SLCO3A1: variants seen among roughly 807,000 people sequenced by gnomAD.
The protein encoded by SLCO3A1 is PGE1 transporter.
Under a neutral mutation model 63.1 loss-of-function variants are expected in SLCO3A1, and 27 were observed. That is an observed-to-expected ratio of 0.43 (90% CI 0.32 to 0.59). The LOEUF (loss-of-function observed/expected upper bound fraction) is 0.59. Among genes scored for constraint, SLCO3A1 ranks in the 20% least tolerant of loss-of-function variants. The probability of loss-of-function intolerance (pLI) is 0.09; values close to 1 mark genes in which losing one functional copy is unlikely to be tolerated. For missense variants in SLCO3A1, 773 were observed against 945.8 expected, an observed-to-expected ratio of 0.82 and a Z score of 2.40; for synonymous variants, 473 against 409.9, an observed-to-expected ratio of 1.15 and a Z score of -1.86.
At chr15:92,098,539 T>C (rs1342067126) in intron 3 of SLCO3A1, among the ~76,000 whole-genome samples, 5 of 152,174 alleles carry the variant, frequency 3.3e-5, no homozygotes, top group Non-Finnish European at 5.9e-5. Context: ...AGTAGCAGAG[T>C]ACATATCTAA....
intron 2 of SLCO3A1, among the ~76,000 whole-genome samples, chr15:92,067,373 G>A (rs771756392): frequency 4.6e-5 from 7 of 152,026 alleles, no homozygotes; most frequent in African/African-American, 9.7e-5. Context: ...CAGCCCTCAC[G>A]TAGGTCATGT....
intron 2 of SLCO3A1, among the ~76,000 whole-genome samples, chr15:92,043,547 T>C (rs947788737): frequency 2.0e-5 from 3 of 152,232 alleles, no homozygotes; most frequent in African/African-American, 4.8e-5. Flanking sequence ...CTAAACATGC[T>C]TTGATACCTT....
At chr15:92,042,422 C>T (rs1381762643) in intron 2 of SLCO3A1, among the ~76,000 whole-genome samples, 1 of 152,156 alleles carries the variant, frequency 6.6e-6, no homozygotes, top group African/African-American at 2.4e-5. Flanking sequence ...AGGGGATCCA[C>T]ACGGTTGGGC....
intron 1 of SLCO3A1, among the ~76,000 whole-genome samples, chr15:91,880,093 A>G (rs2151343245): frequency 7.5e-6 from 1 of 133,550 alleles, no homozygotes; most frequent in East Asian, 2.8e-4. Context: ...ACCTGCTTGT[A>G]TGTGTGTCCG....
intron 2 of SLCO3A1, among the ~76,000 whole-genome samples, chr15:91,930,794 C>G (rs1444178267): frequency 6.9e-6 from 1 of 143,950 alleles, no homozygotes; most frequent in Non-Finnish European, 1.6e-5. Flanking sequence ...TGGTGTAATT[C>G]TCAAAACAAC....
chr15:92,053,826 G>A (rs1198265706), intron 2 of SLCO3A1, among the ~76,000 whole-genome samples: 1 of 151,940 alleles, frequency 6.6e-6, no homozygotes, highest in Non-Finnish European at 1.5e-5. Flanking sequence ...TTATCACTGG[G>A]GGTATTGGCT....
At chr15:91,931,821 A>ACACT (rs1323570307) in intron 2 of SLCO3A1, among the ~76,000 whole-genome samples, 2 of 151,262 alleles carry the variant, frequency 1.3e-5, no homozygotes, top group Non-Finnish European at 2.9e-5. Context: ...ACACACACAC[A>ACACT]CTCACACAGG....
At chr15:92,139,526 G>C (rs1005007843) in intron 7 of SLCO3A1, among the ~76,000 whole-genome samples, 5 of 151,696 alleles carry the variant, frequency 3.3e-5, no homozygotes, top group African/African-American at 1.2e-4. Context: ...TTTTTCTATT[G>C]ATTGGAATAG....
At position 92,163,238 on chromosome 15, in the gene SLCO3A1, C is replaced by T; in HGVS notation, c.*103C>T. 1 of 1,434,334 alleles carries T rather than the reference C, an allele frequency of 7.0e-7. No individual in the cohort carries two copies. Among genetic ancestry groups the T allele is most frequent in the Non-Finnish European group, 9.1e-7 (1 of 1,102,810 alleles). The allele number at this position is 1,434,334 out of a possible 1,614,324, so 88.9% of individuals were successfully genotyped here. On this transcript the variant is annotated 3_prime_UTR_variant, in exon 10 of 10. Coordinates refer to ENST00000318445, the MANE Select transcript of SLCO3A1 (RefSeq NM_013272.4). ...AAAAAACCAAAACTCAGTACACACACACAGGCACAGATGCACACACACGCA... is the reference window on the plus strand; with the variant it reads ...AAAAAACCAAAACTCAGTACACACATACAGGCACAGATGCACACACACGCA...
At chr15:92,156,246 A>G (rs1446359236) in intron 9 of SLCO3A1, among the ~76,000 whole-genome samples, 1 of 152,150 alleles carries the variant, frequency 6.6e-6, no homozygotes. Context: ...AGGGAGTGAG[A>G]TACGGCGGTG....
chr15:91,909,904 C>G (rs1309289793), intron 1 of SLCO3A1, among the ~76,000 whole-genome samples: 3 of 152,240 alleles, frequency 2.0e-5, no homozygotes, highest in Non-Finnish European at 2.9e-5. Context: ...GAAGCCTCCT[C>G]TCTCCCCAGC....
chr15:91,904,091 G>A (rs1898231037), intron 1 of SLCO3A1, among the ~76,000 whole-genome samples: 1 of 152,140 alleles, frequency 6.6e-6, no homozygotes, highest in African/African-American at 2.4e-5. Context: ...GTGGAGGTGA[G>A]GTGCCCCACA....
At chr15:92,031,973 G>T (rs1485060016) in intron 2 of SLCO3A1, among the ~76,000 whole-genome samples, 1 of 152,146 alleles carries the variant, frequency 6.6e-6, no homozygotes, top group African/African-American at 2.4e-5. Context: ...TCGAGCCTCA[G>T]TAGGTATCTG....
Position 92,164,429 on chromosome 15 carries a change from C to G in SLCO3A1, c.*1294C>G, listed in dbSNP as rs1462562351. On this transcript the variant is annotated 3_prime_UTR_variant, in exon 10 of 10. Coordinates refer to ENST00000318445, the MANE Select transcript of SLCO3A1 (RefSeq NM_013272.4). ...CAAATTTGCCTTTTAGCTTCCTTCC[C>G]CATGATTCAGTGATCACTGTCACGG... is the stretch of plus-strand genomic sequence containing the variant. 3 of 985,312 alleles carry G rather than the reference C, an allele frequency of 3.0e-6. No individual in the cohort carries two copies. The highest frequency in any genetic ancestry group is 3.6e-6 in the Non-Finnish European group (3 of 829,932). 61.0% of individuals were successfully genotyped at this position (985,312 alleles called of 1,614,324 possible). A position where few individuals can be genotyped will look rare whatever the true frequency, so the allele number is the denominator to read the frequency against.
intron 1 of SLCO3A1, among the ~76,000 whole-genome samples, chr15:91,874,251 CTG>C (rs1303659408): frequency 4.6e-5 from 7 of 152,282 alleles, no homozygotes; most frequent in African/African-American, 1.7e-4. Flanking sequence ...TATTTTCTGA[CTG>C]TAGTTGACCT....
chr15:91,958,416 A>G (rs1256038153), intron 2 of SLCO3A1, among the ~76,000 whole-genome samples: 1 of 152,188 alleles, frequency 6.6e-6, no homozygotes, highest in Admixed American at 6.5e-5. Flanking sequence ...AAAGATGGGC[A>G]CTGGATTTGG....
At chr15:91,925,124 G>A (rs139009479) in intron 2 of SLCO3A1, among the ~76,000 whole-genome samples, 105 of 152,364 alleles carry the variant, frequency 6.9e-4, no homozygotes, top group African/African-American at 2.5e-3. Flanking sequence ...CTTTTCAACT[G>A]TGGCACAGGT....
intron 2 of SLCO3A1, among the ~76,000 whole-genome samples, chr15:91,971,557 G>T (rs571913640): frequency 1.3e-5 from 2 of 152,050 alleles, no homozygotes; most frequent in East Asian, 1.9e-4. Context: ...CTGAAGAGCT[G>T]TCTAGTGTTC....
intron 2 of SLCO3A1, among the ~76,000 whole-genome samples, chr15:92,094,058 A>C (rs1396151144): frequency 2.0e-5 from 3 of 152,156 alleles, no homozygotes; most frequent in African/African-American, 7.2e-5. Flanking sequence ...GTGCTCAAGA[A>C]ATGTCTACCA....
Sources: allele counts gnomAD v4.1 joint callset (sites outside exome capture counted in the v4.1 genomes callset), GRCh38; gene constraint gnomAD v4.1.1; transcripts MANE v1.5; gene names NCBI Gene and HGNC (gene_info 2026-07-23, HGNC 2026-07-21).